The following AKAP19 variants were observed in gnomAD, a reference collection of about 807,000 sequenced individuals.
AKAP19 encodes the protein small A-kinase anchoring protein.
At chr2:189,926,167 A>G in the AKAP19 span, among the ~76,000 whole-genome samples, 1 of 152,240 alleles carries the variant, frequency 6.6e-6, no homozygotes, top group Non-Finnish European at 1.5e-5. Context: ...ACTATTTTCC[A>G]AGGATGAACC....
chr2:190,062,115 C>G, the AKAP19 span: 6 of 1,163,354 alleles, frequency 5.2e-6, no homozygotes, highest in Non-Finnish European at 7.4e-6. Flanking sequence ...TTTCTACTTA[C>G]ATACAGGCCA....
chr2:190,197,233 C>T, the AKAP19 span, among the ~76,000 whole-genome samples: 3 of 152,310 alleles, frequency 2.0e-5, no homozygotes, highest in South Asian at 4.1e-4. This position sits in a 1 kb window ranked among gnomAD's most constrained non-coding sequence, Gnocchi z 4.0. Flanking sequence ...TTTAAGAAAA[C>T]ACTTGCCAAA....
chr2:190,084,245 A>G, the AKAP19 span, among the ~76,000 whole-genome samples: 109 of 151,812 alleles, frequency 7.2e-4, no homozygotes, highest in Non-Finnish European at 4.1e-4. Flanking sequence ...GGCGCCCACC[A>G]CCATGCCTGG....
At chr2:190,114,949 T>G in the AKAP19 span, among the ~76,000 whole-genome samples, 1 of 151,980 alleles carries the variant, frequency 6.6e-6, no homozygotes, top group Non-Finnish European at 1.5e-5. Context: ...TATTGTTAAA[T>G]TTTGTTGTAA....
chr2:190,177,920 A>C, the AKAP19 span, among the ~76,000 whole-genome samples: 1 of 152,098 alleles, frequency 6.6e-6, no homozygotes, highest in Non-Finnish European at 1.5e-5. The surrounding 1 kb of genome is among the most constrained non-coding windows in gnomAD (Gnocchi z 4.6). Context: ...TATGAGTTTT[A>C]CTTCTATGAA....
chr2:189,922,032 G>A, the AKAP19 span, among the ~76,000 whole-genome samples: 2 of 152,226 alleles, frequency 1.3e-5, no homozygotes, highest in Admixed American at 6.5e-5. Context: ...ATAGCAGAAA[G>A]GTTCTGGAAG....
At chr2:190,118,601 A>C in the AKAP19 span, among the ~76,000 whole-genome samples, 118 of 152,374 alleles carry the variant, frequency 7.7e-4, 3 homozygotes, top group South Asian at 0.018. Flanking sequence ...ATATAAACAG[A>C]ACCAAAGACA....
At chr2:189,985,475 A>G in the AKAP19 span, among the ~76,000 whole-genome samples, 4 of 152,166 alleles carry the variant, frequency 2.6e-5, no homozygotes, top group African/African-American at 9.7e-5. Context: ...CACTCTCTGG[A>G]TAGTCGGGAA....
chr2:190,039,381 A>G, the AKAP19 span, among the ~76,000 whole-genome samples: 3 of 152,096 alleles, frequency 2.0e-5, no homozygotes, highest in Admixed American at 1.3e-4. Flanking sequence ...GCCCAGCCTC[A>G]TTCTATCTTC....
At chr2:189,938,417 C>T in the AKAP19 span, among the ~76,000 whole-genome samples, 1 of 151,810 alleles carries the variant, frequency 6.6e-6, no homozygotes, top group Admixed American at 6.6e-5. Flanking sequence ...GAGATTCAGT[C>T]ATTTTCAACA....
chr2:190,118,452 G>A, the AKAP19 span, among the ~76,000 whole-genome samples: 5 of 152,112 alleles, frequency 3.3e-5, no homozygotes, highest in African/African-American at 7.2e-5. Flanking sequence ...GATGAACATC[G>A]ATGCGAAAAT....
the AKAP19 span, chr2:189,923,273 T>C: frequency 2.0e-6 from 3 of 1,500,636 alleles, no homozygotes; most frequent in East Asian, 6.8e-5. Flanking sequence ...AGACTCAGAA[T>C]CGAATCTCTT....
chr2:190,140,124 C>T, the AKAP19 span, among the ~76,000 whole-genome samples: 1 of 152,204 alleles, frequency 6.6e-6, no homozygotes, highest in Non-Finnish European at 1.5e-5. Context: ...CCTTTGACTC[C>T]AGGTCTCACA....
chr2:189,942,420 T>C, the AKAP19 span, among the ~76,000 whole-genome samples: 1 of 152,226 alleles, frequency 6.6e-6, no homozygotes, highest in South Asian at 2.1e-4. Context: ...CATCAGCCAA[T>C]TAAATCTCTT....
the AKAP19 span, among the ~76,000 whole-genome samples, chr2:189,960,889 G>C: frequency 6.6e-5 from 10 of 152,150 alleles, no homozygotes; most frequent in Admixed American, 2.0e-4. Flanking sequence ...TCAATTAAAA[G>C]AGACTATTGG....
chr2:190,054,887 A>C, the AKAP19 span, among the ~76,000 whole-genome samples: 1 of 152,226 alleles, frequency 6.6e-6, no homozygotes, highest in African/African-American at 2.4e-5. Context: ...GTGGAACTGT[A>C]AACTAGTTCA....
At chr2:189,991,569 T>C in the AKAP19 span, among the ~76,000 whole-genome samples, 3 of 152,196 alleles carry the variant, frequency 2.0e-5, no homozygotes, top group African/African-American at 7.2e-5. Context: ...GCTGATTTGT[T>C]TGAATTCTTT....
At chr2:189,984,501 A>G in the AKAP19 span, among the ~76,000 whole-genome samples, 1 of 152,088 alleles carries the variant, frequency 6.6e-6, no homozygotes, top group East Asian at 1.9e-4. Context: ...CAAGGTGCTC[A>G]GATTTCATAA....
chr2:190,073,896 C>T, the AKAP19 span, among the ~76,000 whole-genome samples: 1 of 151,942 alleles, frequency 6.6e-6, no homozygotes, highest in Admixed American at 6.6e-5. Flanking sequence ...ACTAAAAACA[C>T]AAAAATTAGC....
Sources: gnomAD v4.1 joint callset for allele counts (sites outside exome capture counted in the v4.1 genomes callset) on GRCh38, gnomAD v4.1.1 for gene constraint, Gnocchi (gnomAD v3.1) non-coding constraint, MANE v1.5 for transcripts, NCBI Gene and HGNC (gene_info 2026-07-23, HGNC 2026-07-21) for gene names.